CEP63: variants seen among roughly 807,000 people sequenced by gnomAD.
CEP63 encodes the protein centrosomal protein 63.
In CEP63, 84 loss-of-function variants were observed where a neutral mutation model predicts 89.1. The observed-to-expected ratio is 0.94, with a 90% CI of 0.79 to 1.13. The LOEUF (loss-of-function observed/expected upper bound fraction) is 1.13, where lower values mean the gene tolerates loss of function less well. CEP63 is among the 50% of genes most tolerant of loss of function. The pLI is 0.00. For missense variants in CEP63, 838 were observed against 813.3 expected, an observed-to-expected ratio of 1.03 and a Z score of -0.37; for synonymous variants, 267 against 272.5, an observed-to-expected ratio of 0.98 and a Z score of 0.20.
chr3:134,571,312 C>T (rs1478182956), intron 11 of CEP63, among the ~76,000 whole-genome samples: 1 of 152,128 alleles, frequency 6.6e-6, no homozygotes, highest in African/African-American at 2.4e-5. Context: ...GGTTCTTTAC[C>T]TTCTGTGTGT....
At chr3:134,612,469 G>A in the CEP63 span, among the ~76,000 whole-genome samples, 1 of 152,254 alleles carries the variant, frequency 6.6e-6, no homozygotes, top group Admixed American at 6.5e-5. Flanking sequence ...GGGATGCAAG[G>A]CTGAGGGGGT....
At chr3:134,711,201 G>A in the CEP63 span, among the ~76,000 whole-genome samples, 1 of 152,144 alleles carries the variant, frequency 6.6e-6, no homozygotes, top group Admixed American at 6.5e-5. Context: ...CTGTTCTACA[G>A]TTACATTTCT....
At chr3:134,492,194 C>G (rs7627654) in intron 1 of CEP63, among the ~76,000 whole-genome samples, 99,024 of 150,720 alleles carry the variant, frequency 0.66, 32,845 homozygotes, top group East Asian at 0.81. Flanking sequence ...CTGCCTCAGC[C>G]TCCCGTGTAG....
chr3:134,627,894 G>T, the CEP63 span: 1 of 1,177,774 alleles, frequency 8.5e-7, no homozygotes, highest in Non-Finnish European at 1.3e-6. Context: ...CTCACCTTCT[G>T]GTGGTCCTTG....
intron 11 of CEP63, among the ~76,000 whole-genome samples, 198 bp from the exon 12 acceptor site, chr3:134,551,724 CATAT>C (rs71139540): frequency 0.096 from 7,774 of 81,318 alleles, 274 homozygotes; most frequent in South Asian, 0.27. Context: ...TTAGAAAGTC[CATAT>C]ATATATATAT....
the CEP63 span, among the ~76,000 whole-genome samples, chr3:134,599,464 T>C: frequency 6.6e-6 from 1 of 152,228 alleles, no homozygotes; most frequent in African/African-American, 2.4e-5. Flanking sequence ...TTTCATTTTC[T>C]GTATTTCTCT....
chr3:134,738,901 T>C, the CEP63 span, among the ~76,000 whole-genome samples: 1 of 152,032 alleles, frequency 6.6e-6, no homozygotes, highest in South Asian at 2.1e-4. Flanking sequence ...TCAACATCAT[T>C]AGTCACTAGG....
At chr3:134,486,747 G>C (rs1035215011) in intron 1 of CEP63, 1 of 162,796 alleles carries the variant, frequency 6.1e-6, no homozygotes, top group African/African-American at 2.4e-5. Flanking sequence ...TTTTAAAATA[G>C]TGAGTTGGTT....
At chr3:134,725,081 C>G in the CEP63 span, among the ~76,000 whole-genome samples, 2 of 104,510 alleles carry the variant, frequency 1.9e-5, no homozygotes, top group Admixed American at 1.0e-4. Context: ...GAGTATGCAA[C>G]CAAAACCTGT....
chr3:134,760,058 CTTTTTT>C, the CEP63 span, among the ~76,000 whole-genome samples: 1 of 131,188 alleles, frequency 7.6e-6, no homozygotes. Flanking sequence ...AGAGCACTTT[CTTTTTT>C]TTTTTTTTTT....
At chr3:134,528,864 A>T (rs13079012) in intron 3 of CEP63, among the ~76,000 whole-genome samples, 1 of 152,110 alleles carries the variant, frequency 6.6e-6, no homozygotes, top group Non-Finnish European at 1.5e-5. Flanking sequence ...CGAATAGTTA[A>T]GACTCTTCAA....
chr3:134,691,697 T>C, the CEP63 span, among the ~76,000 whole-genome samples: 1 of 152,174 alleles, frequency 6.6e-6, no homozygotes, highest in Non-Finnish European at 1.5e-5. Context: ...AAAACAAATC[T>C]ATTTTCCCAA....
At chr3:134,653,556 T>C in the CEP63 span, among the ~76,000 whole-genome samples, 1 of 152,128 alleles carries the variant, frequency 6.6e-6, no homozygotes, top group Non-Finnish European at 1.5e-5. Context: ...TTGGCCTGGG[T>C]TGACTTAGCT....
the CEP63 span, chr3:134,604,049 C>G: frequency 3.7e-6 from 6 of 1,614,004 alleles, no homozygotes; most frequent in Non-Finnish European, 4.2e-6. Context: ...CGCTGTGTCT[C>G]CTCAGTGATG....
In CEP63 at chr3:134,570,286, C is replaced by T. The variant is rs565657532; in HGVS notation, c.1330-4507C>T. ...GGGATTTGCTGTTCTATTGCATTGT[C>T]AGGCTGCAGATTTTCCAAACTTTTA... On this transcript the variant is annotated intron_variant, in intron 11 of 11. Coordinates refer to the CEP63 transcript ENST00000354446. 7.3e-4 allele frequency among the ~76,000 whole-genome samples: 111 copies of T among 152,348 alleles called. 3 individuals carry two copies. Among genetic ancestry groups the T allele is most frequent in the African/African-American group, 2.4e-4 (10 of 41,586 alleles).
chr3:134,704,888 G>A, the CEP63 span, among the ~76,000 whole-genome samples: 1 of 152,190 alleles, frequency 6.6e-6, no homozygotes, highest in Non-Finnish European at 1.5e-5. Flanking sequence ...TCCTTGAAGA[G>A]AGAAACTAGA....
chr3:134,767,262 T>C, the CEP63 span, among the ~76,000 whole-genome samples: 1 of 152,220 alleles, frequency 6.6e-6, no homozygotes, highest in Non-Finnish European at 1.5e-5. Context: ...GCAATGTGGC[T>C]AGCATTTTAA....
At chr3:134,711,687 A>G in the CEP63 span, among the ~76,000 whole-genome samples, 6 of 151,538 alleles carry the variant, frequency 4.0e-5, no homozygotes, top group African/African-American at 1.2e-4. Flanking sequence ...GCTTTGCACC[A>G]TTGTCTTCTA....
the CEP63 span, among the ~76,000 whole-genome samples, chr3:134,730,846 C>A: frequency 1.3e-5 from 2 of 152,000 alleles, no homozygotes; most frequent in Admixed American, 1.3e-4. Flanking sequence ...TTTTAAAACT[C>A]ATTATACCTC....
Sources: allele counts gnomAD v4.1 joint callset (sites outside exome capture counted in the v4.1 genomes callset), GRCh38; gene constraint gnomAD v4.1.1; transcripts MANE v1.5; gene names NCBI Gene and HGNC (gene_info 2026-07-23, HGNC 2026-07-21).